The following AFAP1 variants were observed in gnomAD, a reference collection of about 807,000 sequenced individuals.
AFAP1 encodes the protein actin filament associated protein 1, also known as actin filament-associated protein 1.
AFAP1 carries 75 observed loss-of-function variants against 93.9 expected under a neutral mutation model. That is an observed-to-expected ratio of 0.80 (90% CI 0.66 to 0.97). The LOEUF is 0.97. AFAP1 is among the 50% of genes least tolerant of loss of function. AFAP1 has a pLI of 0.00. For synonymous variants in AFAP1, 517 were observed against 430.7 expected (o/e 1.20, Z -2.48); for missense variants, 1,201 against 1,050.8 (o/e 1.14, Z -1.98).
chr4:7,848,238 G>A (rs573120504), intron 4 of AFAP1, among the ~76,000 whole-genome samples: 2 of 145,906 alleles, frequency 1.4e-5, no homozygotes, highest in African/African-American at 2.5e-5. Flanking sequence ...ACGGATGGAG[G>A]GAGGAAGGGA....
intron 13 of AFAP1, 89 bp from the exon 14 acceptor site, chr4:7,778,965 G>T (rs1217060147): frequency 5.0e-6 from 5 of 1,008,704 alleles, no homozygotes; most frequent in African/African-American, 1.6e-5. Context: ...ATTTCTTTCA[G>T]TCTCTAAGTA....
At position 7,786,229 on chromosome 4, in the gene AFAP1, G is replaced by A. The variant is rs577770152; in HGVS notation, c.1495C>T (p.Leu499Phe). The change falls in exon 12 of 18, where the codon CTT (leucine) becomes TTT (phenylalanine). Residue 499 changes from leucine to phenylalanine, a missense_variant. Transcript: ENST00000420658. The stretch of plus-strand genomic sequence containing the variant: ...ATGCACGGGACATCGTCATAATGAA[G>A]TGCCGTCCCGCTGGGGTGGGCATAG... The part of the protein sequence containing the change: ...NGYAHPSGTA[L>F]HYDDVPCING... 2 of 1,614,182 alleles carry A rather than the reference G, an allele frequency of 1.2e-6. No individual in the cohort carries two copies. The highest frequency in any genetic ancestry group is 2.2e-5 in the East Asian group (1 of 44,884).
intron 15 of AFAP1, chr4:7,773,266 G>T (rs1300670749): frequency 6.4e-6 from 3 of 471,156 alleles, no homozygotes; most frequent in Non-Finnish European, 1.1e-5. Context: ...AAGGCCAGGA[G>T]CTCCTGGCTC....
intron 2 of AFAP1, among the ~76,000 whole-genome samples, chr4:7,871,586 C>A (rs1717051003): frequency 6.6e-6 from 1 of 152,244 alleles, no homozygotes; most frequent in Non-Finnish European, 1.5e-5. Context: ...CCGCCTACAT[C>A]TTCTCCCTTC....
intron 4 of AFAP1, among the ~76,000 whole-genome samples, chr4:7,848,040 T>G (rs534934767): frequency 3.1e-4 from 45 of 145,512 alleles, no homozygotes; most frequent in African/African-American, 1.2e-3. Flanking sequence ...TGGATCGATG[T>G]ATGGATGGAT....
At chr4:7,920,154 C>G (rs960445320) in intron 1 of AFAP1, among the ~76,000 whole-genome samples, 1 of 152,096 alleles carries the variant, frequency 6.6e-6, no homozygotes, top group African/African-American at 2.4e-5. Context: ...TGGATATATA[C>G]CCGGTAATGG....
intron 1 of AFAP1, among the ~76,000 whole-genome samples, chr4:7,897,535 G>GT (rs137979142): frequency 0.33 from 49,850 of 151,544 alleles, 9,443 homozygotes; most frequent in Non-Finnish European, 0.44. Flanking sequence ...TGTTTTTGTG[G>GT]TTTTTTTGAC....
intron 1 of AFAP1, among the ~76,000 whole-genome samples, chr4:7,922,725 T>G (rs934795056): frequency 2.0e-5 from 3 of 152,230 alleles, no homozygotes; most frequent in Non-Finnish European, 2.9e-5. Context: ...GGCTCATGCC[T>G]GTAATCCCAG....
intron 11 of AFAP1, among the ~76,000 whole-genome samples, chr4:7,791,061 C>T (rs557604940): frequency 2.0e-5 from 3 of 152,300 alleles, no homozygotes; most frequent in African/African-American, 7.2e-5. Context: ...ATTCAAGACA[C>T]AAAGGAAGAC....
At chr4:7,877,298 C>G (rs1388094844) in intron 1 of AFAP1, among the ~76,000 whole-genome samples, 1 of 152,206 alleles carries the variant, frequency 6.6e-6, no homozygotes, top group Non-Finnish European at 1.5e-5. Context: ...CTGTGAAAGG[C>G]ACTGTGCTGG....
At chr4:7,934,983 C>T (rs187121628) in intron 1 of AFAP1, among the ~76,000 whole-genome samples, 2 of 152,270 alleles carry the variant, frequency 1.3e-5, no homozygotes, top group Admixed American at 6.5e-5. Flanking sequence ...AACTGAAACA[C>T]AAATTTGATG....
At chr4:7,808,564 G>T (rs1204750312) in intron 9 of AFAP1, among the ~76,000 whole-genome samples, 1 of 152,060 alleles carries the variant, frequency 6.6e-6, no homozygotes, top group Non-Finnish European at 1.5e-5. Flanking sequence ...ACTGACCGGG[G>T]AGATGGTCTG....
intron 4 of AFAP1, among the ~76,000 whole-genome samples, chr4:7,854,635 G>A (rs183577544): frequency 2.0e-4 from 31 of 152,268 alleles, no homozygotes; most frequent in Non-Finnish European, 2.8e-4. Flanking sequence ...AGCGAAGGCC[G>A]GAGACCACGC....
At chr4:7,828,166 C>A (rs1468777888) in intron 6 of AFAP1, among the ~76,000 whole-genome samples, 3 of 152,122 alleles carry the variant, frequency 2.0e-5, no homozygotes, top group African/African-American at 7.2e-5. Context: ...CACTATGGTA[C>A]CTGCACAGCA....
intron 1 of AFAP1, among the ~76,000 whole-genome samples, chr4:7,894,485 C>G (rs1577340964): frequency 1.3e-5 from 2 of 152,146 alleles, no homozygotes; most frequent in African/African-American, 4.8e-5. Flanking sequence ...AAGAGACGTA[C>G]ATGTCAAGAC....
intron 3 of AFAP1, among the ~76,000 whole-genome samples, chr4:7,863,116 G>C (rs1382600412): frequency 6.6e-6 from 1 of 152,188 alleles, no homozygotes; most frequent in Admixed American, 6.5e-5. Context: ...TTGAAACAAA[G>C]AGAACAATCT....
Position 7,924,362 on chromosome 4 carries a change from A to G in AFAP1, c.-3+15294T>C, listed in dbSNP as rs568576405. On this transcript the variant is annotated intron_variant, in intron 1 of 17. Coordinates refer to ENST00000420658, the MANE Select transcript of AFAP1 (RefSeq NM_001134647.2). ...AACACTAACAAACAATGAGATGCAC[A>G]AAAGACAAGATGTATAGAGAACTGG... Among the ~76,000 whole-genome samples, 7 of 152,366 alleles carry G rather than the reference A, an allele frequency of 4.6e-5. No homozygotes were observed. In the South Asian group the frequency reaches 1.2e-3, roughly 27 times the overall value.
At chr4:7,866,962 C>T (rs1577316657) in intron 3 of AFAP1, among the ~76,000 whole-genome samples, 2 of 151,020 alleles carry the variant, frequency 1.3e-5, no homozygotes, top group African/African-American at 4.9e-5. Flanking sequence ...TTGCTTGAGT[C>T]CAAGATGTTG....
chr4:7,784,589 G>C (rs1307916476), intron 12 of AFAP1, among the ~76,000 whole-genome samples: 1 of 152,138 alleles, frequency 6.6e-6, no homozygotes, highest in Admixed American at 6.6e-5. Flanking sequence ...GAATCAGGTG[G>C]GGGCCTCGCA....
Sources: allele counts gnomAD v4.1 joint callset (sites outside exome capture counted in the v4.1 genomes callset), GRCh38; gene constraint gnomAD v4.1.1; transcripts MANE v1.5; gene names NCBI Gene and HGNC (gene_info 2026-07-23, HGNC 2026-07-21).